Variants in CTCF observed in about 807,000 individuals in gnomAD.
CTCF encodes transcriptional repressor CTCF.
A neutral mutation model predicts 72.3 loss-of-function variants in CTCF; 7 were observed. That is an observed-to-expected ratio of 0.10 (90% CI 0.06 to 0.18). The LOEUF (loss-of-function observed/expected upper bound fraction) is 0.18. CTCF is among the 10% of genes least tolerant of loss of function. CTCF has a pLI of 1.00. For missense variants in CTCF, 516 were observed against 949.1 expected (o/e 0.54, Z 6.00); for synonymous variants, 374 against 315.8 (o/e 1.18, Z -1.95).
chr16:67,584,334 C>CTTTT (rs1567596522), intron 2 of CTCF, among the ~76,000 whole-genome samples: 1 of 121,926 alleles, frequency 8.2e-6, no homozygotes, highest in African/African-American at 3.7e-5. Context: ...AAAAAAAAGT[C>CTTTT]TTCTTTTTTT....
Position 67,611,248 on chromosome 16 carries a change from A to G in CTCF, c.416A>G (p.Glu139Gly). 1 of 1,614,208 alleles carries G rather than the reference A, an allele frequency of 6.2e-7. No individual in the cohort carries two copies. Among genetic ancestry groups the G allele is most frequent in the African/African-American group, 1.3e-5 (1 of 75,040 alleles). ...GTAGAAGAACTTCAGGGGGCTTATG[A>G]AAATGAAGTGTCTAAAGAGGGCCTT... ...TSVEELQGAY[E>G]NEVSKEGLAE... is the part of the protein sequence containing the mutation. The change falls in exon 3 of 12, where the codon GAA (glutamate) becomes GGA (glycine). Residue 139 changes from glutamate to glycine, a missense_variant. Glu to Gly is a moderately conservative substitution (Grantham distance 98). Coordinates refer to ENST00000264010, the MANE Select transcript of CTCF (RefSeq NM_006565.4).
At chr16:67,628,974 C>T (rs2052327086) in intron 9 of CTCF, among the ~76,000 whole-genome samples, 1 of 152,040 alleles carries the variant, frequency 6.6e-6, no homozygotes, top group Admixed American at 6.6e-5. Flanking sequence ...ATGGCGTGTA[C>T]CCGGGAGGCA....
intron 5 of CTCF, among the ~76,000 whole-genome samples, chr16:67,617,876 AATT>A (rs1341008669): frequency 1.3e-5 from 2 of 152,206 alleles, no homozygotes; most frequent in Non-Finnish European, 2.9e-5. Flanking sequence ...TTCTAAATGA[AATT>A]ATTAGCCAAT....
intron 5 of CTCF, among the ~76,000 whole-genome samples, chr16:67,618,700 A>G (rs900739544): frequency 2.0e-5 from 3 of 152,238 alleles, no homozygotes; most frequent in African/African-American, 7.2e-5. Flanking sequence ...GATATAAGAT[A>G]AGCATACAGA....
intron 2 of CTCF, among the ~76,000 whole-genome samples, chr16:67,602,463 G>C (rs550832304): frequency 7.9e-5 from 12 of 152,254 alleles, no homozygotes; most frequent in Non-Finnish European, 1.6e-4. Flanking sequence ...ATGTTCCCTA[G>C]CTCCAGACAT....
rs565479799 is a variant in CTCF, at chr16:67,629,733, G to A, written c.1837+200G>A. The stretch of plus-strand genomic sequence containing the variant: ...TTTTCTTTTTTCTTCGTGGCATTCC[G>A]CTCATTAATGCCCTTTTTTTTTTTT... On this transcript the variant is annotated intron_variant, in intron 10 of 11. Coordinates refer to ENST00000264010, the MANE Select transcript of CTCF (RefSeq NM_006565.4). Among the ~76,000 whole-genome samples the A allele has an allele frequency of 0.01, 955 of 93,310 alleles. 8 individuals are homozygous for A. The highest frequency in any genetic ancestry group is 0.016 in the Non-Finnish European group (731 of 46,846). The allele number at this position is 93,310 out of a possible 152,430, so 61.2% of individuals were successfully genotyped here. A position where few individuals can be genotyped will look rare whatever the true frequency, so the allele number is the denominator to read the frequency against.
At position 67,637,631 on chromosome 16, in the gene CTCF, T is replaced by A. The variant is rs111708940; in HGVS notation, c.2000-57T>A. On this transcript the variant is annotated intron_variant, in intron 11 of 11. Transcript: ENST00000264010. ...CGTTCGCTGTCAGTCTAAAAGACCC[T>A]TGTGATTCTTGGGGCTTTAATGGAC... The A allele has an allele frequency of 6.1e-6, 9 of 1,484,612 alleles. No homozygotes were observed. The African/African-American group carries it at 8.4e-5, about 14-fold the overall frequency. The allele number at this position is 1,484,612 out of a possible 1,614,324, so 92.0% of individuals were successfully genotyped here.
chr16:67,609,715 C>G (rs1597712238), intron 2 of CTCF, among the ~76,000 whole-genome samples: 1 of 151,930 alleles, frequency 6.6e-6, no homozygotes, highest in East Asian at 1.9e-4. Context: ...GCTCCGCCTC[C>G]CAGGTTCACG....
chr16:67,617,545 G>C (rs2052148327), intron 5 of CTCF, among the ~76,000 whole-genome samples: 1 of 152,074 alleles, frequency 6.6e-6, no homozygotes, highest in African/African-American at 2.4e-5. Context: ...AGCTGGGCGT[G>C]GTGGTGCATG....
rs541335623 is a variant in CTCF, at chr16:67,590,763, C to T, written c.-10+19499C>T. Among the ~76,000 whole-genome samples, 204 of 151,704 alleles carry T rather than the reference C, an allele frequency of 1.3e-3. 1 individual carries two copies. The highest frequency in any genetic ancestry group is 2.5e-3 in the Non-Finnish European group (169 of 67,904). On this transcript the variant is annotated intron_variant, in intron 2 of 11. Transcript: ENST00000264010. The stretch of plus-strand genomic sequence containing the variant: ...GCTGAGGTCAGAAGCTCAAGCCCAG[C>T]GTGGCCAACATGGCGAAACCCTGTC...
chr16:67,625,012 C>A (rs947663946), intron 7 of CTCF, among the ~76,000 whole-genome samples: 1 of 152,170 alleles, frequency 6.6e-6, no homozygotes, highest in African/African-American at 2.4e-5. Context: ...GCAACCACCA[C>A]TTCCCTGGTT....
At chr16:67,635,157 G>A (rs1396635218) in intron 10 of CTCF, among the ~76,000 whole-genome samples, 1 of 151,952 alleles carries the variant, frequency 6.6e-6, no homozygotes, top group Non-Finnish European at 1.5e-5. Context: ...GAGTAGCTGG[G>A]ACTACAGGCA....
intron 5 of CTCF, among the ~76,000 whole-genome samples, chr16:67,617,100 G>A (rs548893748): frequency 1.1e-4 from 17 of 152,126 alleles, no homozygotes; most frequent in Admixed American, 6.6e-4. Context: ...GGTGGCTCAC[G>A]CCTATAATCC....
At chr16:67,615,725 T>A (rs1465803659) in intron 4 of CTCF, 1 of 152,254 alleles carries the variant, frequency 6.6e-6, no homozygotes, top group East Asian at 1.9e-4. Context: ...ACTCTGTGCT[T>A]TACCGTTAGA....
intron 5 of CTCF, among the ~76,000 whole-genome samples, chr16:67,617,802 C>T (rs532221922): frequency 6.6e-6 from 1 of 152,316 alleles, no homozygotes; most frequent in Admixed American, 6.5e-5. Flanking sequence ...TGAAGCTACA[C>T]TGTTACCAAA....
Position 67,563,201 on chromosome 16 carries a change from G to A in CTCF, c.-127+477G>A, listed in dbSNP as rs540483614. ...GGGTTCGGACCGACTGCCGCCGCGC[G>A]CTAAGCCAGGTCCCGGTGCCGTATG... On this transcript the variant is annotated intron_variant, in intron 1 of 11. Coordinates refer to ENST00000264010, the MANE Select transcript of CTCF (RefSeq NM_006565.4). 5.8e-4 allele frequency: 89 copies of A among 152,286 alleles called. No homozygotes were observed. In the Middle Eastern group the frequency reaches 0.034, roughly 59 times the overall value. 9.4% of individuals were successfully genotyped at this position (152,286 alleles called of 1,614,324 possible). A position where few individuals can be genotyped will look rare whatever the true frequency, so the allele number is the denominator to read the frequency against.
intron 7 of CTCF, among the ~76,000 whole-genome samples, chr16:67,624,840 C>G (rs912128556): frequency 6.6e-6 from 1 of 152,038 alleles, no homozygotes; most frequent in African/African-American, 2.4e-5. Flanking sequence ...GCAATCCACC[C>G]ACCTCAGCCT....
intron 2 of CTCF, among the ~76,000 whole-genome samples, chr16:67,607,569 G>A (rs1236064466): frequency 6.6e-6 from 1 of 151,154 alleles, no homozygotes; most frequent in Non-Finnish European, 1.5e-5. Context: ...GCCTCCCAAA[G>A]TGCTGGGATT....
chr16:67,586,611 T>C (rs935030474), intron 2 of CTCF, among the ~76,000 whole-genome samples: 4 of 152,114 alleles, frequency 2.6e-5, no homozygotes, highest in African/African-American at 9.7e-5. Context: ...CAAGAATTGC[T>C]TGAACCCCCT....
Sources: gnomAD v4.1 joint callset for allele counts (sites outside exome capture counted in the v4.1 genomes callset) on GRCh38, gnomAD v4.1.1 for gene constraint, MANE v1.5 for transcripts, NCBI Gene and HGNC (gene_info 2026-07-23, HGNC 2026-07-21) for gene names.